ZNF475: variants seen among roughly 807,000 people sequenced by gnomAD.
ZNF475 encodes zinc finger protein 475.
chr5:122,165,797 T>TA, the ZNF475 span, among the ~76,000 whole-genome samples: 1 of 151,986 alleles, frequency 6.6e-6, no homozygotes, highest in Non-Finnish European at 1.5e-5. Context: ...TTTCTGCATT[T>TA]AAAAAAATAT....
At chr5:122,166,403 T>A in the ZNF475 span, among the ~76,000 whole-genome samples, 1 of 152,206 alleles carries the variant, frequency 6.6e-6, no homozygotes, top group Non-Finnish European at 1.5e-5. Context: ...CGTGCAGGTT[T>A]GTTACATATG....
At chr5:122,179,369 A>C in the ZNF475 span, among the ~76,000 whole-genome samples, 7 of 152,218 alleles carry the variant, frequency 4.6e-5, no homozygotes, top group Non-Finnish European at 7.3e-5. Context: ...TTTCTTATCC[A>C]TGAGCATGGA....
chr5:122,160,363 T>A, the ZNF475 span: 1 of 980,240 alleles, frequency 1.0e-6, no homozygotes, highest in Non-Finnish European at 1.4e-6. Context: ...GTGTCGAAGG[T>A]GGGGAAAGTT....
At chr5:122,171,746 T>C in the ZNF475 span, among the ~76,000 whole-genome samples, 21 of 152,062 alleles carry the variant, frequency 1.4e-4, no homozygotes, top group Non-Finnish European at 2.5e-4. Flanking sequence ...TCTATACTTT[T>C]TTTTTTTTTT....
chr5:122,168,389 A>T, the ZNF475 span, among the ~76,000 whole-genome samples: 34 of 152,290 alleles, frequency 2.2e-4, no homozygotes, highest in African/African-American at 7.5e-4. Context: ...AGGCAGAACC[A>T]ATTTGCATTT....
At chr5:122,168,523 T>C in the ZNF475 span, among the ~76,000 whole-genome samples, 1 of 152,104 alleles carries the variant, frequency 6.6e-6, no homozygotes, top group Non-Finnish European at 1.5e-5. Flanking sequence ...ATCCCCTGGC[T>C]AACACGGTGA....
At chr5:122,176,554 C>G in the ZNF475 span, among the ~76,000 whole-genome samples, 1 of 152,154 alleles carries the variant, frequency 6.6e-6, no homozygotes, top group Non-Finnish European at 1.5e-5. Flanking sequence ...ATGGTAGAGG[C>G]TTCTGTCAAT....
At chr5:122,170,323 A>C in the ZNF475 span, among the ~76,000 whole-genome samples, 1 of 152,146 alleles carries the variant, frequency 6.6e-6, no homozygotes. Flanking sequence ...TTCAGAAGCC[A>C]ATCTCCACTA....
At chr5:122,160,934 C>A in the ZNF475 span, among the ~76,000 whole-genome samples, 6 of 152,300 alleles carry the variant, frequency 3.9e-5, no homozygotes, top group South Asian at 2.1e-4. Flanking sequence ...CAACTACAAT[C>A]TCTCCCAAAA....
chr5:122,180,217 G>A, the ZNF475 span, among the ~76,000 whole-genome samples: 12 of 152,110 alleles, frequency 7.9e-5, no homozygotes, highest in Non-Finnish European at 8.8e-5. Flanking sequence ...GAGTAAACTG[G>A]TCCATGTGTG....
At chr5:122,169,996 C>T in the ZNF475 span, among the ~76,000 whole-genome samples, 2 of 152,138 alleles carry the variant, frequency 1.3e-5, no homozygotes, top group African/African-American at 2.4e-5. Context: ...TTTGTTACTG[C>T]TTTTTAAAGT....
the ZNF475 span, among the ~76,000 whole-genome samples, chr5:122,180,390 T>C: frequency 6.6e-6 from 1 of 152,246 alleles, no homozygotes; most frequent in East Asian, 1.9e-4. Context: ...TAGACATCTA[T>C]TTTAAATGTC....
At chr5:122,161,174 C>G in the ZNF475 span, among the ~76,000 whole-genome samples, 2 of 152,170 alleles carry the variant, frequency 1.3e-5, no homozygotes, top group Non-Finnish European at 2.9e-5. Flanking sequence ...CTAATATTTA[C>G]TTTATAAGGT....
the ZNF475 span, among the ~76,000 whole-genome samples, chr5:122,166,988 G>T: frequency 6.6e-6 from 1 of 152,204 alleles, no homozygotes. Context: ...TAGACATGAA[G>T]TCCTTGCCCA....
the ZNF475 span, among the ~76,000 whole-genome samples, chr5:122,180,785 C>A: frequency 6.6e-6 from 1 of 152,020 alleles, no homozygotes; most frequent in Admixed American, 6.5e-5. Context: ...ACAAAGTAGA[C>A]CCTAGATTGT....
the ZNF475 span, among the ~76,000 whole-genome samples, chr5:122,180,322 T>A: frequency 6.6e-6 from 1 of 152,242 alleles, no homozygotes; most frequent in East Asian, 1.9e-4. Flanking sequence ...GCGTTATCAT[T>A]AAGAAATTTA....
the ZNF475 span, among the ~76,000 whole-genome samples, chr5:122,177,196 A>G: frequency 6.6e-6 from 1 of 152,212 alleles, no homozygotes; most frequent in South Asian, 2.1e-4. Context: ...GCTAACTCTC[A>G]TCTGCAATTG....
chr5:122,182,358 A>G, the ZNF475 span: 1 of 661,364 alleles, frequency 1.5e-6, no homozygotes, highest in Non-Finnish European at 2.3e-6. Flanking sequence ...GTATTTCCTG[A>G]AAATATTTTC....
At chr5:122,173,034 G>GA in the ZNF475 span, among the ~76,000 whole-genome samples, 88 of 144,164 alleles carry the variant, frequency 6.1e-4, no homozygotes, top group East Asian at 1.2e-3. Context: ...CTCCGTCTCA[G>GA]AAAAAAAAAA....
Sources: allele counts gnomAD v4.1 joint callset (sites outside exome capture counted in the v4.1 genomes callset), GRCh38; gene constraint gnomAD v4.1.1; transcripts MANE v1.5; gene names NCBI Gene and HGNC (gene_info 2026-07-23, HGNC 2026-07-21).